PENK: variants seen among roughly 807,000 people sequenced by gnomAD.
PENK encodes proenkephalin-A.
A neutral mutation model predicts 24.1 loss-of-function variants in PENK; 25 were observed. That is an observed-to-expected ratio of 1.04 (90% CI 0.76 to 1.45). The LOEUF (loss-of-function observed/expected upper bound fraction) is 1.45. Among genes scored for constraint, PENK ranks in the 40% most tolerant of loss-of-function variants. The pLI is 0.00. For synonymous variants in PENK, 135 were observed against 130.3 expected (o/e 1.04, Z -0.24); for missense variants, 353 against 337.9 (o/e 1.04, Z -0.35).
chr8:56,445,924 C>T lies in PENK; in HGVS notation c.30G>A (p.Trp10Ter). 1 of 1,612,030 alleles carries T rather than the reference C, an allele frequency of 6.2e-7. No individual in the cohort carries two copies. Among genetic ancestry groups the T allele is most frequent in the Non-Finnish European group, 8.5e-7 (1 of 1,179,438 alleles). The change falls in exon 3 of 4, where the codon TGG becomes TGA. Residue 10 changes from tryptophan to a stop codon, truncating the protein, a stop_gained. Transcript: ENST00000451791. LOFTEE classifies it high-confidence loss of function. MARFLTLCT[W>*]LLLLGPGLLA... Reference sequence around the variant, plus strand: ...GGAGCCCGGGGCCGAGCAACAGCAGCCAAGTGCAAAGTGTCAGGAACCGCG... The same window carrying T: ...GGAGCCCGGGGCCGAGCAACAGCAGTCAAGTGCAAAGTGTCAGGAACCGCG...
At chr8:56,446,390 G>A (rs1274861939) in intron 2 of PENK, 36 bp downstream of exon 2, 1 of 183,678 alleles carries the variant, frequency 5.4e-6, no homozygotes, top group Non-Finnish European at 1.1e-5. Context: ...CCCCAAACCC[G>A]CTCAGCAAAG....
chr8:56,444,060 C>A (rs772952004), intron 3 of PENK: 33 of 693,030 alleles, frequency 4.8e-5, no homozygotes, highest in Middle Eastern at 4.6e-4. Flanking sequence ...GGAGAGAAGT[C>A]AAGATTTGAG....
In PENK at chr8:56,445,905, C is replaced by G. The variant is rs764710411; in HGVS notation, c.49G>C (p.Gly17Arg). 1 of 1,612,494 alleles carries G rather than the reference C, an allele frequency of 6.2e-7. No individual in the cohort carries two copies. The highest frequency in any genetic ancestry group is 2.2e-5 in the East Asian group (1 of 44,856). Residue 17 changes from glycine to arginine, a missense_variant, in exon 3 of 4, where the codon GGG becomes CGG. Gly to Arg is a moderately radical substitution (Grantham distance 125, BLOSUM62 -2). Coordinates refer to ENST00000451791, the MANE Select transcript of PENK (RefSeq NM_001135690.3). The stretch of plus-strand genomic sequence containing the variant: ...TCGGCCCGCACGGTCGCCAGGAGCC[C>G]GGGGCCGAGCAACAGCAGCCAAGTG... ...LCTWLLLLGP[G>R]LLATVRAECS...
Position 56,441,472 on chromosome 8 carries a change from C to A in PENK, c.604G>T (p.Glu202Ter), listed in dbSNP as rs1804551868. 1 of 1,613,488 alleles carries A rather than the reference C, an allele frequency of 6.2e-7. No individual in the cohort carries two copies. Among genetic ancestry groups the A allele is most frequent in the Non-Finnish European group, 8.5e-7 (1 of 1,179,892 alleles). ...TATCGCTTCTGCAGCTCTTTGGCTT[C>A]ATCTTCCAGTTGGGGGCTTCTCTTT... ...GLKRSPQLED[E>*]AKELQKRYGG... The change falls in exon 4 of 4, where the codon GAA becomes TAA. Residue 202 changes from glutamate (E) to a stop codon, truncating the protein, a stop_gained. Transcript: ENST00000451791. LOFTEE classifies it high-confidence loss of function.
intron 3 of PENK, chr8:56,445,465 T>C (rs1318687974): frequency 2.0e-6 from 1 of 502,142 alleles, no homozygotes; most frequent in Non-Finnish European, 3.5e-6. Context: ...ACAGCCATCT[T>C]CCTTCTGACA....
chr8:56,443,566 G>C (rs1804596602), intron 3 of PENK: 1 of 165,638 alleles, frequency 6.0e-6, no homozygotes, highest in Non-Finnish European at 1.3e-5. Flanking sequence ...ATCAGCCATA[G>C]CACGCCTGCT....
In PENK at chr8:56,445,513, C is replaced by T. The variant is rs115740267; in HGVS notation, c.138+303G>A. ...ACCCAGTGCTATCCGAGGTGCTGAACAGAGGACTTCTCGGGGTTCCCGAAT... is the reference window on the plus strand; with the variant it reads ...ACCCAGTGCTATCCGAGGTGCTGAATAGAGGACTTCTCGGGGTTCCCGAAT... On this transcript the variant is annotated intron_variant, in intron 3 of 3. Transcript: ENST00000451791. The T allele has an allele frequency of 2.3e-3, 1,375 of 599,500 alleles. 16 individuals are homozygous for T. The African/African-American group carries it at 0.023, about 10-fold the overall frequency. The allele number at this position is 599,500 out of a possible 1,614,324, so 37.1% of individuals were successfully genotyped here. A position where few individuals can be genotyped will look rare whatever the true frequency, so the allele number is the denominator to read the frequency against.
chr8:56,441,611 G>A lies in PENK; in HGVS notation c.465C>T (p.Asp155=). ...EEDDSLANSS[D]LLKELLETGD... ...CTGTTTCCAGAAGCTCTTTTAGCAG[G>A]TCTGAGGAATTGGCCAGCGAGTCGT... Residue 155 remains aspartate (D), a synonymous_variant, in exon 4 of 4, where the codon GAC becomes GAT. Coordinates refer to ENST00000451791, the MANE Select transcript of PENK (RefSeq NM_001135690.3). 1.2e-6 allele frequency: 2 copies of A among 1,613,842 alleles called. No individual in the cohort carries two copies. The highest frequency in any genetic ancestry group is 1.1e-5 in the South Asian group (1 of 91,062).
intron 3 of PENK, chr8:56,444,029 G>C (rs1160820930): frequency 4.3e-6 from 3 of 701,560 alleles, no homozygotes; most frequent in Admixed American, 2.0e-5. Context: ...CCTGTTACAT[G>C]ATGAGAAGAG....
intron 3 of PENK, 51 bp downstream of exon 3, chr8:56,445,765 C>G (rs553820920): frequency 1.9e-5 from 31 of 1,611,550 alleles, no homozygotes; most frequent in East Asian, 4.5e-5. Flanking sequence ...CGTACTGTTG[C>G]GGAAACTCTG....
rs9298551 is a variant in PENK, at chr8:56,444,382, G to A, written c.138+1434C>T. Reference sequence around the variant, plus strand: ...GCTGAGCCCCTGACATGTTGAGCAGGCAAAGCTCAAAATATGTGTGACTGG... The same window carrying A: ...GCTGAGCCCCTGACATGTTGAGCAGACAAAGCTCAAAATATGTGTGACTGG... On this transcript the variant is annotated intron_variant, in intron 3 of 3. Transcript: ENST00000451791. Among the ~76,000 whole-genome samples, 186 of 152,336 alleles carry A rather than the reference G, an allele frequency of 1.2e-3. 2 individuals are homozygous for A. The highest frequency in any genetic ancestry group is 4.3e-3 in the African/African-American group (178 of 41,588).
At position 56,441,757 on chromosome 8, in the gene PENK, A is replaced by G; in HGVS notation, c.319T>C (p.Tyr107His). The G allele has an allele frequency of 1.2e-6, 2 of 1,606,948 alleles. No individual in the cohort carries two copies. The highest frequency in any genetic ancestry group is 8.5e-7 in the Non-Finnish European group (1 of 1,179,046). ...AKRYGGFMKR[Y>H]GGFMKKMDEL... ...TCCATTTTCTTCATGAAGCCTCCAT[A>G]CCTTTTCATGAAGCCCCCATACCTT... is the stretch of plus-strand genomic sequence containing the variant. Residue 107 changes from tyrosine to histidine, a missense_variant, in exon 4 of 4, where the codon TAT becomes CAT. Physicochemically the swap from Tyr to His is moderately conservative, Grantham distance 83. Coordinates refer to ENST00000451791, the MANE Select transcript of PENK (RefSeq NM_001135690.3).
chr8:56,443,589 C>T (rs1369286130), intron 3 of PENK: 5 of 180,388 alleles, frequency 2.8e-5, no homozygotes, highest in Non-Finnish European at 1.2e-5. Flanking sequence ...TCTCTGCATC[C>T]ACCACAGTAC....
chr8:56,441,135 A>G lies in PENK; in HGVS notation c.*137T>C. The stretch of plus-strand genomic sequence containing the variant: ...CACAGAACCTGAAATGACAGTTTTC[A>G]GGTTGTATAGTTATCCAGACAATGA... On this transcript the variant is annotated 3_prime_UTR_variant, in exon 4 of 4. Transcript: ENST00000451791. 1 of 663,698 alleles carries G rather than the reference A, an allele frequency of 1.5e-6. No homozygotes were observed. Among genetic ancestry groups the G allele is most frequent in the South Asian group, 2.1e-5 (1 of 47,442 alleles). 41.1% of individuals were successfully genotyped at this position (663,698 alleles called of 1,614,324 possible). A position where few individuals can be genotyped will look rare whatever the true frequency, so the allele number is the denominator to read the frequency against.
intron 3 of PENK, among the ~76,000 whole-genome samples, chr8:56,444,436 G>C (rs1804616016): frequency 6.6e-6 from 1 of 152,154 alleles, no homozygotes; most frequent in South Asian, 2.1e-4. Context: ...TCAGAAAGTG[G>C]AGTCTTCTAT....
chr8:56,444,045 G>C (rs1324378861), intron 3 of PENK: 1 of 697,964 alleles, frequency 1.4e-6, no homozygotes, highest in South Asian at 1.5e-5. Flanking sequence ...AAGAGGGTGA[G>C]AGAGGGAGAG....
At position 56,441,270 on chromosome 8, in the gene PENK, T is replaced by C; in HGVS notation, c.*2A>G. Reference sequence around the variant, plus strand: ...GCCTGGGGCCACTAGTGGGAAAAGATATTAAAATCTCATAAATCCTCCGTA... The same window carrying C: ...GCCTGGGGCCACTAGTGGGAAAAGACATTAAAATCTCATAAATCCTCCGTA... On this transcript the variant is annotated 3_prime_UTR_variant, in exon 4 of 4. Transcript: ENST00000451791. 1 of 1,584,368 alleles carries C rather than the reference T, an allele frequency of 6.3e-7. No individual in the cohort carries two copies.
intron 2 of PENK, 193 bp from the exon 3 acceptor site, chr8:56,446,149 G>A: frequency 1.6e-6 from 1 of 613,502 alleles, no homozygotes; most frequent in Non-Finnish European, 2.7e-6. Flanking sequence ...TCGCCTCGCG[G>A]TTCCCGGGAT....
rs1265961364 is a variant in PENK, at chr8:56,446,499, A to C, written c.-59-18T>G. On this transcript the variant is annotated intron_variant, in intron 1 of 3. Coordinates refer to ENST00000451791, the MANE Select transcript of PENK (RefSeq NM_001135690.3). ...ACACGACTCTAGAGGGAAGAGAAGAAGGCAAGTGTGAGGAGGGCGGGCGTC... is the reference window on the plus strand; with the variant it reads ...ACACGACTCTAGAGGGAAGAGAAGACGGCAAGTGTGAGGAGGGCGGGCGTC... The C allele has an allele frequency of 6.5e-6, 1 of 153,388 alleles. No individual in the cohort carries two copies. Among genetic ancestry groups the C allele is most frequent in the African/African-American group, 2.4e-5 (1 of 41,480 alleles). The allele number at this position is 153,388 out of a possible 1,614,324, so 9.5% of individuals were successfully genotyped here. A position where few individuals can be genotyped will look rare whatever the true frequency, so the allele number is the denominator to read the frequency against.
Sources: gnomAD v4.1 joint callset for allele counts (sites outside exome capture counted in the v4.1 genomes callset) on GRCh38, gnomAD v4.1.1 for gene constraint, MANE v1.5 for transcripts, NCBI Gene and HGNC (gene_info 2026-07-23, HGNC 2026-07-21) for gene names.